The following DCDC1 variants were observed in gnomAD, a reference collection of about 807,000 sequenced individuals.
DCDC1 encodes the protein doublecortin domain containing 1.
In DCDC1, 200 loss-of-function variants were observed where a neutral mutation model predicts 178.3. The observed-to-expected ratio is 1.12, with a 90% confidence interval of 1.00 to 1.26. The LOEUF (loss-of-function observed/expected upper bound fraction) is 1.26, where lower values mean the gene tolerates loss of function less well. Among genes scored for constraint, DCDC1 ranks in the 50% most tolerant of loss-of-function variants. The pLI is 0.00. For synonymous variants in DCDC1, 690 were observed against 604.8 expected, an observed-to-expected ratio of 1.14 and a Z score of -2.07; for missense variants, 1,983 against 1,749.2, an observed-to-expected ratio of 1.13 and a Z score of -2.38.
At chr11:31,097,061 TTC>T (rs1958210934) in intron 15 of DCDC1, among the ~76,000 whole-genome samples, 1 of 152,252 alleles carries the variant, frequency 6.6e-6, no homozygotes, top group Admixed American at 6.5e-5. Flanking sequence ...ATCAAAACAA[TTC>T]TCTTTTATTC....
chr11:31,165,979 C>T (rs1331565820), intron 9 of DCDC1, among the ~76,000 whole-genome samples: 1 of 152,164 alleles, frequency 6.6e-6, no homozygotes, highest in Admixed American at 6.5e-5. Flanking sequence ...AACAACCTAA[C>T]CTGTATAGTA....
chr11:31,337,644 G>C (rs886134389), intron 1 of DCDC1, among the ~76,000 whole-genome samples: 1 of 145,164 alleles, frequency 6.9e-6, no homozygotes, highest in Non-Finnish European at 1.5e-5. Flanking sequence ...CTGCCTGGGT[G>C]AGTGAGACCC....
chr11:30,873,358 T>TAGAGAGAGAGAGAGAG (rs1185841948), intron 38 of DCDC1, among the ~76,000 whole-genome samples: 6 of 138,060 alleles, frequency 4.3e-5, no homozygotes, highest in African/African-American at 1.7e-4. Context: ...TATATATATA[T>TAGAGAGAGAGAGAGAG]ATATATAGAG....
At chr11:30,971,713 C>A (rs1301979457) in intron 20 of DCDC1, among the ~76,000 whole-genome samples, 1 of 150,558 alleles carries the variant, frequency 6.6e-6, no homozygotes, top group Non-Finnish European at 1.5e-5. Flanking sequence ...GGGTTCACAC[C>A]ATTCTCCTGC....
intron 9 of DCDC1, among the ~76,000 whole-genome samples, chr11:31,163,313 A>G (rs1341118998): frequency 6.6e-6 from 1 of 152,176 alleles, no homozygotes; most frequent in Non-Finnish European, 1.5e-5. Flanking sequence ...ATACTAATCA[A>G]TGTGGTGAAT....
chr11:31,197,755 G>A (rs917566357), intron 9 of DCDC1, among the ~76,000 whole-genome samples: 9 of 151,974 alleles, frequency 5.9e-5, no homozygotes, highest in South Asian at 2.1e-4. Context: ...ATAATTACAC[G>A]TAATGTATAT....
chr11:31,145,992 C>T (rs208102), intron 9 of DCDC1, among the ~76,000 whole-genome samples: 85,864 of 151,756 alleles, frequency 0.57, 25,168 homozygotes, highest in East Asian at 0.93. Context: ...ATATTACTTT[C>T]TTCCTGAGCT....
At chr11:31,103,947 C>T (rs180920073) in intron 13 of DCDC1, among the ~76,000 whole-genome samples, 178 bp from the exon 14 acceptor site, 1 of 152,234 alleles carries the variant, frequency 6.6e-6, no homozygotes, top group East Asian at 1.9e-4. Context: ...ATATATACTT[C>T]AGTTTATTTA....
intron 20 of DCDC1, among the ~76,000 whole-genome samples, chr11:30,954,038 G>A (rs548511349): frequency 8.7e-6 from 1 of 114,608 alleles, no homozygotes; most frequent in South Asian, 2.9e-4. Context: ...TTGAGACAGA[G>A]TCTCGCTCTG....
Position 31,146,104 on chromosome 11 carries a change from G to A in DCDC1, c.1222-8320C>T, listed in dbSNP as rs1001669393. On this transcript the variant is annotated intron_variant, in intron 9 of 38. Coordinates refer to ENST00000684477, the MANE Select transcript of DCDC1 (RefSeq NM_001387274.1). ...TTTTTTTTTTTTGAGAAGGAGTCTC[G>A]CTCTGTTGCCCAGACTAGAGTGCAG... Among the ~76,000 whole-genome samples, 102 of 141,572 alleles carry A rather than the reference G, an allele frequency of 7.2e-4. 1 individual carries two copies. Among genetic ancestry groups the A allele is most frequent in the African/African-American group, 2.4e-3 (90 of 38,048 alleles). 92.9% of individuals were successfully genotyped at this position (141,572 alleles called of 152,430 possible).
At chr11:31,213,131 CTCTCTCTCTCTCT>C (rs1972918893) in intron 9 of DCDC1, among the ~76,000 whole-genome samples, 2 of 138,132 alleles carry the variant, frequency 1.4e-5, no homozygotes, top group Admixed American at 7.2e-5. Flanking sequence ...CTCTCTCTCT[CTCTCTCTCTCTCT>C]CTCTCTCTCT....
chr11:31,269,266 G>A (rs1290989660), intron 7 of DCDC1, among the ~76,000 whole-genome samples: 1 of 152,088 alleles, frequency 6.6e-6, no homozygotes. Flanking sequence ...CAATTGAAAA[G>A]TACATTATGG....
chr11:31,105,530 A>G (rs1360330951), intron 13 of DCDC1, among the ~76,000 whole-genome samples: 1 of 151,548 alleles, frequency 6.6e-6, no homozygotes, highest in Admixed American at 6.6e-5. Context: ...AATTCTTGCC[A>G]CTTTAAAATT....
chr11:31,206,607 G>A (rs1971896156), intron 9 of DCDC1, among the ~76,000 whole-genome samples: 1 of 152,054 alleles, frequency 6.6e-6, no homozygotes, highest in South Asian at 2.1e-4. Context: ...TAAAGATGGG[G>A]TTCCACTATG....
Position 31,063,551 on chromosome 11 carries a change from T to C in DCDC1, c.2591+918A>G, listed in dbSNP as rs1590922561. 2.6e-5 allele frequency among the ~76,000 whole-genome samples: 4 copies of C among 152,244 alleles called. No individual in the cohort carries two copies. The Middle Eastern group carries it at 0.01, about 388-fold the overall frequency. On this transcript the variant is annotated intron_variant, in intron 20 of 38. Coordinates refer to ENST00000684477, the MANE Select transcript of DCDC1 (RefSeq NM_001387274.1). The stretch of plus-strand genomic sequence containing the variant: ...GAAATAAGTTTTTTGTCTCTTTTCA[T>C]GCAAGTGACATTTCTATCTACAGTC...
intron 21 of DCDC1, among the ~76,000 whole-genome samples, chr11:30,937,497 C>T (rs1319337921): frequency 2.6e-5 from 4 of 152,166 alleles, no homozygotes; most frequent in Non-Finnish European, 4.4e-5. Flanking sequence ...AACATCCACT[C>T]ATAGTCTTAG....
At chr11:30,998,740 A>G (rs1951409429) in intron 20 of DCDC1, among the ~76,000 whole-genome samples, 1 of 152,162 alleles carries the variant, frequency 6.6e-6, no homozygotes, top group South Asian at 2.1e-4. Context: ...TGTCCAAACT[A>G]TGTCCACAAA....
At chr11:31,137,820 T>C (rs745667284) in intron 9 of DCDC1, 36 bp from the exon 10 acceptor site, 8 of 698,184 alleles carry the variant, frequency 1.1e-5, no homozygotes, top group South Asian at 7.5e-5. Flanking sequence ...AAAGCAGGTA[T>C]CTATTGACAC....
intron 8 of DCDC1, among the ~76,000 whole-genome samples, chr11:31,253,549 G>A (rs1230198880): frequency 2.0e-5 from 3 of 151,816 alleles, no homozygotes; most frequent in Non-Finnish European, 4.4e-5. Context: ...TATGGTTTAT[G>A]ATACAGAAAA....
Sources: allele counts gnomAD v4.1 joint callset (sites outside exome capture counted in the v4.1 genomes callset), GRCh38; gene constraint gnomAD v4.1.1; transcripts MANE v1.5; gene names NCBI Gene and HGNC (gene_info 2026-07-23, HGNC 2026-07-21).